The following ADAMTS2 variants were observed in gnomAD, a reference collection of about 807,000 sequenced individuals.
ADAMTS2 encodes the protein A disintegrin and metalloproteinase with thrombospondin motifs 2.
In ADAMTS2, 50 loss-of-function variants were observed where a neutral mutation model predicts 123.0. That is an observed-to-expected ratio of 0.41 (90% CI 0.32 to 0.51). The LOEUF (loss-of-function observed/expected upper bound fraction) is 0.51. ADAMTS2 is among the 20% of genes least tolerant of loss of function. The pLI, the probability that ADAMTS2 is intolerant of heterozygous loss-of-function variation, is 0.35. For missense variants in ADAMTS2, 1,494 were observed against 1,705.2 expected (o/e 0.88, Z 2.18); for synonymous variants, 678 against 695.4 (o/e 0.98, Z 0.39).
intron 3 of ADAMTS2, among the ~76,000 whole-genome samples, chr5:179,230,875 G>A (rs1290586133): frequency 2.0e-5 from 3 of 152,168 alleles, no homozygotes; most frequent in Non-Finnish European, 2.9e-5. Flanking sequence ...GCCGGGCATG[G>A]TGGTGGGCGC....
At chr5:179,198,451 C>G (rs530658605) in intron 4 of ADAMTS2, among the ~76,000 whole-genome samples, 1 of 152,340 alleles carries the variant, frequency 6.6e-6, no homozygotes, top group East Asian at 1.9e-4. Flanking sequence ...CTCAGCATCT[C>G]TGACCAGGCT....
chr5:179,190,874 A>G (rs1480534001), intron 4 of ADAMTS2, among the ~76,000 whole-genome samples: 1 of 152,252 alleles, frequency 6.6e-6, no homozygotes, highest in Non-Finnish European at 1.5e-5. Flanking sequence ...GAGAGGTCTG[A>G]GTGAACAGCT....
rs1311386009 is a variant in ADAMTS2 at position 179,314,105 on chromosome 5, C to T, written c.534+29662G>A. On this transcript the variant is annotated intron_variant, in intron 2 of 21. Transcript: ENST00000251582. This position sits in a 1 kb window ranked among gnomAD's most constrained non-coding sequence, Gnocchi z 4.5. Reference sequence around the variant, plus strand: ...CCCCACACCCCTGCCTATGCCCAGACCTCCAGCTTCAGGCTCTGCATCCAC... The same window carrying T: ...CCCCACACCCCTGCCTATGCCCAGATCTCCAGCTTCAGGCTCTGCATCCAC... 6.6e-6 allele frequency among the ~76,000 whole-genome samples: 1 copy of T among 152,240 alleles called. No individual in the cohort carries two copies. Among genetic ancestry groups the T allele is most frequent in the African/African-American group, 2.4e-5 (1 of 41,476 alleles).
intron 4 of ADAMTS2, among the ~76,000 whole-genome samples, chr5:179,190,818 T>C (rs1485100014): frequency 1.3e-5 from 2 of 152,262 alleles, no homozygotes; most frequent in Non-Finnish European, 2.9e-5. Context: ...CACCTGGGCT[T>C]CGCCCTTACA....
At position 179,132,355 on chromosome 5, in the gene ADAMTS2, G is replaced by C; in HGVS notation, c.2210-45C>G. 1 of 1,586,458 alleles carries C rather than the reference G, an allele frequency of 6.3e-7. No homozygotes were observed. ...ACACAGAAAACTGAGAAGGGAAGGC[G>C]CCGCTCAAATTCGCACCATGCAAGG... On this transcript the variant is annotated intron_variant, in intron 14 of 21. Coordinates refer to ENST00000251582, the MANE Select transcript of ADAMTS2 (RefSeq NM_014244.5). The surrounding 1 kb of genome is among the most constrained non-coding windows in gnomAD (Gnocchi z 6.1).
At chr5:179,224,828 C>A (rs187561283) in intron 3 of ADAMTS2, among the ~76,000 whole-genome samples, 69 of 146,914 alleles carry the variant, frequency 4.7e-4, no homozygotes, top group African/African-American at 1.7e-3. Flanking sequence ...CACCTCAGCT[C>A]CACGCCCAGA....
chr5:179,209,016 T>C (rs769174230), intron 3 of ADAMTS2, among the ~76,000 whole-genome samples: 20 of 152,346 alleles, frequency 1.3e-4, no homozygotes, highest in Admixed American at 7.8e-4. Flanking sequence ...GCCTCTCTCC[T>C]GCTGCCTCTT....
At chr5:179,291,730 A>ATATTTATTTATT (rs112260790) in intron 2 of ADAMTS2, among the ~76,000 whole-genome samples, 33 of 151,542 alleles carry the variant, frequency 2.2e-4, no homozygotes, top group African/African-American at 7.8e-4. Flanking sequence ...GGTCCAAACG[A>ATATTTATTTATT]TATTTATTTA....
intron 3 of ADAMTS2, among the ~76,000 whole-genome samples, chr5:179,267,512 G>C (rs1334403237): frequency 6.6e-6 from 1 of 152,236 alleles, no homozygotes; most frequent in Admixed American, 6.5e-5. Context: ...GCCCAGCAGG[G>C]TGTGTGCACA....
intron 2 of ADAMTS2, among the ~76,000 whole-genome samples, chr5:179,310,578 G>A (rs1415257237): frequency 6.6e-6 from 1 of 152,172 alleles, no homozygotes; most frequent in Non-Finnish European, 1.5e-5. Flanking sequence ...GAGGGATGGT[G>A]GTGCAGAGCC....
intron 10 of ADAMTS2, chr5:179,151,182 C>A (rs755267942): frequency 1.2e-5 from 4 of 328,652 alleles, no homozygotes; most frequent in South Asian, 5.0e-5. Flanking sequence ...CAGGCATGAG[C>A]CACCGCGCCC....
At position 179,228,212 on chromosome 5, in the gene ADAMTS2, C is replaced by T. The variant is rs1765332247; in HGVS notation, c.689-20497G>A. On this transcript the variant is annotated intron_variant, in intron 3 of 21. Coordinates refer to ENST00000251582, the MANE Select transcript of ADAMTS2 (RefSeq NM_014244.5). This position sits in a 1 kb window ranked among gnomAD's most constrained non-coding sequence, Gnocchi z 5.2. ...TCCAGGATGAATCAGCTGCAGAGCACCGCAGTGGCGCACACAGATCAGTGT... is the reference window on the plus strand; with the variant it reads ...TCCAGGATGAATCAGCTGCAGAGCATCGCAGTGGCGCACACAGATCAGTGT... 6.6e-6 allele frequency among the ~76,000 whole-genome samples: 1 copy of T among 152,176 alleles called. No homozygotes were observed. Among genetic ancestry groups the T allele is most frequent in the South Asian group, 2.1e-4 (1 of 4,826 alleles).
chr5:179,219,392 GAC>G lies in ADAMTS2; in HGVS notation c.689-11679_689-11678del, dbSNP rs554988999. On this transcript the variant is annotated intron_variant, in intron 3 of 21. Coordinates refer to ENST00000251582, the MANE Select transcript of ADAMTS2 (RefSeq NM_014244.5). ...AGTCCTGTGTGCCCTTACAAACACA[GAC>G]ACAGCCAAATGTGCTGGCCTGAGAG... is the stretch of plus-strand genomic sequence containing the variant. 2.0e-3 allele frequency among the ~76,000 whole-genome samples: 305 copies of G among 152,338 alleles called. 2 individuals carry two copies. Among genetic ancestry groups the G allele is most frequent in the African/African-American group, 6.4e-3 (267 of 41,574 alleles).
intron 3 of ADAMTS2, among the ~76,000 whole-genome samples, chr5:179,244,736 C>T (rs1181291432): frequency 1.3e-5 from 2 of 152,042 alleles, no homozygotes; most frequent in Non-Finnish European, 2.9e-5. Context: ...ACTAACAGCA[C>T]AAAGCAGGTG....
chr5:179,281,638 T>A (rs1766913680), intron 2 of ADAMTS2, among the ~76,000 whole-genome samples: 1 of 152,244 alleles, frequency 6.6e-6, no homozygotes, highest in Non-Finnish European at 1.5e-5. Context: ...TGCATAATGC[T>A]GCTATGAACA....
At chr5:179,183,878 T>C (rs1182245406) in intron 4 of ADAMTS2, among the ~76,000 whole-genome samples, 1 of 152,260 alleles carries the variant, frequency 6.6e-6, no homozygotes, top group East Asian at 1.9e-4. Flanking sequence ...ATAGGGTTAG[T>C]GTCCTATAGG....
intron 5 of ADAMTS2, among the ~76,000 whole-genome samples, chr5:179,169,952 T>C (rs977774495): frequency 6.6e-6 from 1 of 152,242 alleles, no homozygotes; most frequent in Non-Finnish European, 1.5e-5. Flanking sequence ...TTGATTTTCA[T>C]CATCCTAGGA....
intron 5 of ADAMTS2, among the ~76,000 whole-genome samples, chr5:179,179,630 C>T (rs1764002221): frequency 6.6e-6 from 1 of 152,072 alleles, no homozygotes; most frequent in African/African-American, 2.4e-5. Flanking sequence ...CCCTTTGTTC[C>T]AAGGATTTGT....
chr5:179,344,028 CG>C lies in ADAMTS2; in HGVS notation c.272del (p.Pro91ArgfsTer74). The C allele has an allele frequency of 6.2e-7, 1 of 1,612,518 alleles. No homozygotes were observed. Among genetic ancestry groups the C allele is most frequent in the Non-Finnish European group, 8.5e-7 (1 of 1,179,824 alleles). ...RAGVRARRAAPVRTPSFPGGN... is the reference protein window; with the variant it reads ...RAGVRARRAAXVRTPSFPGGN... Reference sequence around the variant, plus strand: ...CTCCGGGGAAGCTCGGGGTCCGGACCGGGGCGGCCCTGCGGGCTCGTACCCC... The same window carrying C: ...CTCCGGGGAAGCTCGGGGTCCGGACCGGGCGGCCCTGCGGGCTCGTACCCC... On this transcript the variant is annotated frameshift_variant, in exon 2 of 22. Coordinates refer to ENST00000251582, the MANE Select transcript of ADAMTS2 (RefSeq NM_014244.5). LOFTEE classifies it high-confidence loss of function.
Sources: gnomAD v4.1 joint callset for allele counts (sites outside exome capture counted in the v4.1 genomes callset) on GRCh38, gnomAD v4.1.1 for gene constraint, Gnocchi (gnomAD v3.1) non-coding constraint, MANE v1.5 for transcripts, NCBI Gene and HGNC (gene_info 2026-07-23, HGNC 2026-07-21) for gene names.